Variants in SLC6A20 observed in about 807,000 individuals in gnomAD.
SLC6A20 encodes the protein sodium- and chloride-dependent transporter XTRP3.
SLC6A20 carries 73 observed loss-of-function variants against 64.3 expected under a neutral mutation model. The ratio of observed to expected loss-of-function variants is 1.14; its 90% confidence interval spans 0.94 to 1.38. The LOEUF is 1.38. Ranked by LOEUF, SLC6A20 falls within the 40% of genes most tolerant of loss-of-function variation. The pLI is 0.00. For synonymous variants in SLC6A20, 347 were observed against 329.6 expected (o/e 1.05, Z -0.57); for missense variants, 725 against 772.8 (o/e 0.94, Z 0.73).
At position 45,764,773 on chromosome 3, in the gene SLC6A20, G is replaced by A. The variant is rs188378215; in HGVS notation, c.1303+764C>T. ...AAGTCAGAAATAGAGGTGAACTCCAGGGGTGCATACTGCCTGGGAAGGGGT... is the reference window on the plus strand; with the variant it reads ...AAGTCAGAAATAGAGGTGAACTCCAAGGGTGCATACTGCCTGGGAAGGGGT... On this transcript the variant is annotated intron_variant, in intron 8 of 10. Transcript: ENST00000358525. 2.6e-5 allele frequency among the ~76,000 whole-genome samples: 4 copies of A among 152,086 alleles called. No individual in the cohort carries two copies. The East Asian group carries it at 7.7e-4, about 29-fold the overall frequency.
intron 1 of SLC6A20, among the ~76,000 whole-genome samples, chr3:45,787,990 G>T (rs979859156): frequency 6.6e-6 from 1 of 152,148 alleles, no homozygotes; most frequent in Non-Finnish European, 1.5e-5. Context: ...CTGTTGCCCA[G>T]GCTGGAGTGC....
rs200526772 is a variant in SLC6A20 at position 45,782,662 on chromosome 3, A to T, written c.122-439T>A. On this transcript the variant is annotated intron_variant, in intron 1 of 10. Transcript: ENST00000358525. ...ATCCATCCATCCATCCATCCATCCA[A>T]CCATCCATCCATCCTTCCATCCATT... Among the ~76,000 whole-genome samples the T allele has an allele frequency of 1.1e-4, 10 of 93,582 alleles. No individual in the cohort carries two copies. The South Asian group carries it at 1.5e-3, about 14-fold the overall frequency. The allele number at this position is 93,582 out of a possible 152,430, so 61.4% of individuals were successfully genotyped here. A position where few individuals can be genotyped will look rare whatever the true frequency, so the allele number is the denominator to read the frequency against.
chr3:45,787,201 C>T (rs1167669852), intron 1 of SLC6A20, among the ~76,000 whole-genome samples: 8 of 152,226 alleles, frequency 5.3e-5, no homozygotes, highest in Non-Finnish European at 1.0e-4. Context: ...ACCTTCCCTT[C>T]CCTGCCGCTG....
intron 1 of SLC6A20, among the ~76,000 whole-genome samples, chr3:45,794,967 G>T (rs2125660803): frequency 6.6e-6 from 1 of 152,302 alleles, no homozygotes; most frequent in African/African-American, 2.4e-5. Flanking sequence ...AAAACTCTAT[G>T]AATTAACCTT....
intron 1 of SLC6A20, among the ~76,000 whole-genome samples, chr3:45,784,572 A>T (rs1700143375): frequency 6.6e-6 from 1 of 152,222 alleles, no homozygotes; most frequent in African/African-American, 2.4e-5. Flanking sequence ...ACTGGGAGAA[A>T]ATACTTGCAA....
At chr3:45,796,204 T>C in intron 1 of SLC6A20, 95 bp downstream of exon 1, 1 of 1,509,146 alleles carries the variant, frequency 6.6e-7, no homozygotes, top group Non-Finnish European at 8.9e-7. Flanking sequence ...CCGGCCTCAG[T>C]GTGCCGTTCT....
Position 45,780,034 on chromosome 3 carries a change from A to G in SLC6A20, c.329T>C (p.Phe110Ser). ...MYYNVINAWA[F>S]WYLFHSFQDP... ...CTGGAAGGAGTGGAAGAGGTACCAGAAGGCCCAGGCGTTGATGACGTTGTA... is the reference window on the plus strand; with the variant it reads ...CTGGAAGGAGTGGAAGAGGTACCAGGAGGCCCAGGCGTTGATGACGTTGTA... Residue 110 changes from phenylalanine (F) to serine (S), a missense_variant, in exon 3 of 11, where the codon TTC becomes TCC. Transcript: ENST00000358525. 1 of 1,605,006 alleles carries G rather than the reference A, an allele frequency of 6.2e-7. No homozygotes were observed. The highest frequency in any genetic ancestry group is 8.5e-7 in the Non-Finnish European group (1 of 1,175,684).
chr3:45,780,162 C>G, intron 2 of SLC6A20, 62 bp from the exon 3 acceptor site: 1 of 1,500,384 alleles, frequency 6.7e-7, no homozygotes. Flanking sequence ...CCGCCAGGCC[C>G]AGCGTGTGCT....
rs917419713 is a variant in SLC6A20, at chr3:45,774,335, C to T, written c.582+1426G>A. 2.0e-5 allele frequency among the ~76,000 whole-genome samples: 3 copies of T among 152,236 alleles called. No homozygotes were observed. In the East Asian group the frequency reaches 5.8e-4, roughly 29 times the overall value. On this transcript the variant is annotated intron_variant, in intron 4 of 10. Coordinates refer to ENST00000358525, the MANE Select transcript of SLC6A20 (RefSeq NM_020208.4). ...GAAAAGGAATGGTCTCTAATCTCTA[C>T]CTCTGCAGATGTTGCCCTCTGATCT... is the stretch of plus-strand genomic sequence containing the variant.
intron 1 of SLC6A20, among the ~76,000 whole-genome samples, chr3:45,784,085 G>A (rs1700137325): frequency 6.6e-6 from 1 of 152,210 alleles, no homozygotes; most frequent in South Asian, 2.1e-4. Context: ...GTCCAGGGAC[G>A]ACTGTCTCTC....
chr3:45,765,505 C>T lies in SLC6A20; in HGVS notation c.1303+32G>A, dbSNP rs1271447911. The T allele has an allele frequency of 6.3e-7, 1 of 1,593,886 alleles. No homozygotes were observed. Among genetic ancestry groups the T allele is most frequent in the Admixed American group, 1.8e-5 (1 of 56,422 alleles). On this transcript the variant is annotated intron_variant, in intron 8 of 10. Transcript: ENST00000358525. The surrounding 1 kb of genome is among the most constrained non-coding windows in gnomAD (Gnocchi z 4.2). The stretch of plus-strand genomic sequence containing the variant: ...ACCCCCACGCCTTGGCCCTCCTGAC[C>T]CCTGCCTCCTCCACTGGCTGGCCCC...
chr3:45,783,090 C>T (rs1284331471), intron 1 of SLC6A20, among the ~76,000 whole-genome samples: 2 of 152,234 alleles, frequency 1.3e-5, no homozygotes, highest in Non-Finnish European at 2.9e-5. Context: ...GAAACAGACA[C>T]TTACTAAGCA....
At chr3:45,784,179 C>T (rs1700138666) in intron 1 of SLC6A20, among the ~76,000 whole-genome samples, 1 of 152,160 alleles carries the variant, frequency 6.6e-6, no homozygotes, top group Admixed American at 6.5e-5. Flanking sequence ...GGCTGTTTGG[C>T]CCTAGGCATT....
chr3:45,782,020 C>T (rs1700094042), intron 2 of SLC6A20, 63 bp downstream of exon 2: 1 of 1,491,102 alleles, frequency 6.7e-7, no homozygotes, highest in African/African-American at 1.4e-5. Context: ...TGATGGGATC[C>T]CACCCACACC....
chr3:45,772,368 C>T (rs1405344856), intron 5 of SLC6A20, 137 bp downstream of exon 5: 2 of 686,604 alleles, frequency 2.9e-6, no homozygotes, highest in Admixed American at 6.5e-5. Context: ...ACACTCCTGC[C>T]ACACCCTGGT....
intron 1 of SLC6A20, among the ~76,000 whole-genome samples, chr3:45,791,082 T>G (rs1254573873): frequency 6.6e-6 from 1 of 152,240 alleles, no homozygotes; most frequent in African/African-American, 2.4e-5. Flanking sequence ...CTTCTTGAGT[T>G]ATTTCAGCGA....
chr3:45,777,482 G>A (rs1466761342), intron 3 of SLC6A20, among the ~76,000 whole-genome samples: 1 of 152,162 alleles, frequency 6.6e-6, no homozygotes, highest in African/African-American at 2.4e-5. Flanking sequence ...TGTGAGTCTG[G>A]GCTGTCCTCC....
Position 45,771,358 on chromosome 3 carries a change from T to A in SLC6A20, c.794A>T (p.Tyr265Phe), listed in dbSNP as rs1334464387. The change falls in exon 6 of 11, where the codon TAC (tyrosine) becomes TTC (phenylalanine). Residue 265 changes from tyrosine to phenylalanine, a missense_variant. By Grantham distance (22) the Tyr-to-Phe change is conservative. Transcript: ENST00000358525. ...CTGGCAGTTGTTGGATGGCTCATTG[T>A]AGCTGGCGAAGGCGATCAGGCTGCC... ...GFGSLIAFAS[Y>F]NEPSNNCQKH... The A allele has an allele frequency of 1.2e-6, 2 of 1,614,154 alleles. No homozygotes were observed.
In SLC6A20 at chr3:45,759,940, G is replaced by A. The variant is rs766370141; in HGVS notation, c.1546C>T (p.Leu516=). ...TAGAAGACAAAGAGGCTGACAATCA[G>A]CAGTGGGCTTACGCCAGCCCACATC... ...KVMWAGVSPL[L]IVSLFVFYLS... The change falls in exon 10 of 11, where the codon CTG becomes TTG. Residue 516 remains leucine (L), a synonymous_variant. Transcript: ENST00000358525. The A allele has an allele frequency of 6.2e-7, 1 of 1,614,212 alleles. No homozygotes were observed. The highest frequency in any genetic ancestry group is 1.7e-5 in the Admixed American group (1 of 60,030).
Sources: allele counts gnomAD v4.1 joint callset (sites outside exome capture counted in the v4.1 genomes callset), GRCh38; gene constraint gnomAD v4.1.1; non-coding constraint Gnocchi (gnomAD v3.1); transcripts MANE v1.5; gene names NCBI Gene and HGNC (gene_info 2026-07-23, HGNC 2026-07-21).